The following VIT variants were observed in gnomAD, a reference collection of about 807,000 sequenced individuals.
VIT encodes the protein vitrin.
In VIT, 99 loss-of-function variants were observed where a neutral mutation model predicts 78.0. The observed-to-expected ratio is 1.27, with a 90% CI of 1.08 to 1.50. VIT has a LOEUF of 1.50. VIT is among the 40% of genes most tolerant of loss of function. VIT has a pLI of 0.00. For synonymous variants in VIT, 374 were observed against 334.3 expected (o/e 1.12, Z -1.29); for missense variants, 1,126 against 875.3 (o/e 1.29, Z -3.61).
intron 12 of VIT, among the ~76,000 whole-genome samples, chr2:36,796,436 A>T (rs751156489): frequency 2.0e-5 from 3 of 152,166 alleles, no homozygotes; most frequent in Non-Finnish European, 2.9e-5. Flanking sequence ...GGCAACTGCA[A>T]CTTTATAGAA....
chr2:36,707,327 C>T (rs1170412139), intron 1 of VIT, among the ~76,000 whole-genome samples: 1 of 152,174 alleles, frequency 6.6e-6, no homozygotes, highest in African/African-American at 2.4e-5. Flanking sequence ...CTGGACTTTT[C>T]TCGTGGTCAC....
intron 6 of VIT, among the ~76,000 whole-genome samples, chr2:36,766,571 T>C (rs116386706): frequency 3.9e-5 from 6 of 152,196 alleles, no homozygotes; most frequent in Non-Finnish European, 5.9e-5. Flanking sequence ...ATCCTTGCCA[T>C]CCAGGTAGTT....
At chr2:36,781,425 G>A (rs1221537843) in intron 9 of VIT, among the ~76,000 whole-genome samples, 2 of 152,190 alleles carry the variant, frequency 1.3e-5, no homozygotes, top group Admixed American at 1.3e-4. Flanking sequence ...CAGATTGGGA[G>A]GTGGTTTGGA....
chr2:36,697,834 C>T (rs1264232815), intron 1 of VIT, among the ~76,000 whole-genome samples: 1 of 152,146 alleles, frequency 6.6e-6, no homozygotes, highest in Non-Finnish European at 1.5e-5. Flanking sequence ...GCATTCTTGG[C>T]CGTGGTGGTT....
At chr2:36,811,908 T>C (rs1402500557) in intron 15 of VIT, among the ~76,000 whole-genome samples, 1 of 152,138 alleles carries the variant, frequency 6.6e-6, no homozygotes, top group African/African-American at 2.4e-5. Flanking sequence ...ACTCCTAACC[T>C]CAGGTGATCC....
chr2:36,808,362 G>A, intron 14 of VIT, 110 bp from the exon 15 acceptor site: 1 of 1,416,282 alleles, frequency 7.1e-7, no homozygotes, highest in Non-Finnish European at 9.4e-7. Flanking sequence ...GGCTAGTGCA[G>A]AAAACAAGGG....
At chr2:36,756,250 G>A (rs1281523907) in intron 5 of VIT, among the ~76,000 whole-genome samples, 2 of 151,958 alleles carry the variant, frequency 1.3e-5, no homozygotes, top group Non-Finnish European at 2.9e-5. Flanking sequence ...GAGCCACCAC[G>A]CCCAGCCTAA....
At chr2:36,732,444 G>A (rs1667267359) in intron 3 of VIT, among the ~76,000 whole-genome samples, 1 of 152,274 alleles carries the variant, frequency 6.6e-6, no homozygotes, top group South Asian at 2.1e-4. Context: ...AAGGTAATTG[G>A]ATATTCCCAA....
intron 2 of VIT, among the ~76,000 whole-genome samples, chr2:36,722,887 T>G (rs530690765): frequency 5.7e-4 from 87 of 152,202 alleles, no homozygotes; most frequent in African/African-American, 2.1e-3. Context: ...ATTATAAATC[T>G]ATATGATTTC....
intron 1 of VIT, among the ~76,000 whole-genome samples, chr2:36,714,839 G>C (rs7591513): frequency 6.6e-6 from 1 of 152,126 alleles, no homozygotes; most frequent in Non-Finnish European, 1.5e-5. Context: ...TGACGTATTG[G>C]GTGGATTCAA....
At chr2:36,811,339 CT>C (rs990784217) in intron 15 of VIT, among the ~76,000 whole-genome samples, 1 of 152,202 alleles carries the variant, frequency 6.6e-6, no homozygotes, top group South Asian at 2.1e-4. Context: ...TACATCATCA[CT>C]TTTTTTTCTA....
At chr2:36,811,087 G>A (rs770115582) in intron 15 of VIT, among the ~76,000 whole-genome samples, 10 of 152,176 alleles carry the variant, frequency 6.6e-5, no homozygotes, top group Non-Finnish European at 1.0e-4. Flanking sequence ...GAGTCTTCCC[G>A]GTGACTTACC....
intron 7 of VIT, among the ~76,000 whole-genome samples, chr2:36,772,257 A>G (rs1669806685): frequency 6.6e-6 from 1 of 151,886 alleles, no homozygotes; most frequent in Non-Finnish European, 1.5e-5. Flanking sequence ...AAAAATAAAA[A>G]AAACTTCCGT....
chr2:36,746,757 G>A (rs1413717788), intron 4 of VIT, among the ~76,000 whole-genome samples: 1 of 151,864 alleles, frequency 6.6e-6, no homozygotes, highest in Non-Finnish European at 1.5e-5. Flanking sequence ...CAAACTTTTG[G>A]TTTCATTGAT....
At chr2:36,798,995 G>A (rs373669775) in intron 12 of VIT, among the ~76,000 whole-genome samples, 1 of 152,104 alleles carries the variant, frequency 6.6e-6, no homozygotes, top group East Asian at 1.9e-4. Context: ...GTTTGTTTCT[G>A]TTTAGTCCCA....
At chr2:36,738,506 C>G (rs1667644158) in intron 3 of VIT, among the ~76,000 whole-genome samples, 2 of 152,274 alleles carry the variant, frequency 1.3e-5, no homozygotes, top group African/African-American at 4.8e-5. Flanking sequence ...AACTGTGTTG[C>G]CACAGGCCAG....
chr2:36,790,990 G>C (rs571026342), intron 12 of VIT, among the ~76,000 whole-genome samples: 6 of 152,268 alleles, frequency 3.9e-5, no homozygotes, highest in African/African-American at 1.4e-4. Context: ...GGACCCACAG[G>C]TGCTAACAGT....
intron 1 of VIT, among the ~76,000 whole-genome samples, chr2:36,697,778 G>T (rs538033612): frequency 6.6e-6 from 1 of 152,190 alleles, no homozygotes; most frequent in Non-Finnish European, 1.5e-5. Context: ...TAAATCAAGA[G>T]TGGAATTAAA....
chr2:36,720,185 G>T (rs993744634), intron 2 of VIT, among the ~76,000 whole-genome samples: 5 of 152,016 alleles, frequency 3.3e-5, no homozygotes, highest in African/African-American at 1.2e-4. Flanking sequence ...AAAGGCCAAA[G>T]CAATCCTGAG....
Sources: allele counts gnomAD v4.1 joint callset (sites outside exome capture counted in the v4.1 genomes callset), GRCh38; gene constraint gnomAD v4.1.1; transcripts MANE v1.5; gene names NCBI Gene and HGNC (gene_info 2026-07-23, HGNC 2026-07-21).